Variants in PDIA6 observed in about 807,000 individuals in gnomAD.
The protein encoded by PDIA6 is protein disulfide-isomerase A6.
A neutral mutation model predicts 58.4 loss-of-function variants in PDIA6; 29 were observed. That is an observed-to-expected ratio of 0.50 (90% confidence interval 0.37 to 0.68). The LOEUF (loss-of-function observed/expected upper bound fraction) is 0.68. Among genes scored for constraint, PDIA6 ranks in the 30% least tolerant of loss-of-function variants. The probability of loss-of-function intolerance (pLI) is 0.00; values close to 1 mark genes in which losing one functional copy is unlikely to be tolerated. For synonymous variants in PDIA6, 192 were observed against 202.6 expected, an observed-to-expected ratio of 0.95 and a Z score of 0.44; for missense variants, 480 against 551.0, an observed-to-expected ratio of 0.87 and a Z score of 1.29.
intron 8 of PDIA6, 46 bp downstream of exon 8, chr2:10,789,703 T>C (rs1665944076): frequency 1.3e-6 from 2 of 1,574,414 alleles, no homozygotes; most frequent in Middle Eastern, 1.7e-4. Context: ...TTCCTCACCA[T>C]CAGCTAAAAA....
intron 5 of PDIA6, 131 bp from the exon 6 acceptor site, chr2:10,792,056 C>T (rs778752247): frequency 1.4e-4 from 132 of 970,820 alleles, no homozygotes; most frequent in Non-Finnish European, 1.9e-4. Context: ...ATAGTGAAAA[C>T]GGTTGTATTC....
chr2:10,836,613 G>A (rs186913663), upstream of PDIA6, among the ~76,000 whole-genome samples: 11 of 150,850 alleles, frequency 7.3e-5, no homozygotes, highest in Non-Finnish European at 1.3e-4. Context: ...GTCCAATTTG[G>A]TTGTTTTTAG....
intron 2 of PDIA6, among the ~76,000 whole-genome samples, chr2:10,800,028 C>A (rs560455049): frequency 6.6e-6 from 1 of 151,932 alleles, no homozygotes; most frequent in Non-Finnish European, 1.5e-5. Context: ...AATCTGTAAT[C>A]GAAATTTAGA....
intron 10 of PDIA6, among the ~76,000 whole-genome samples, chr2:10,788,005 G>A (rs1558438565): frequency 6.7e-6 from 1 of 148,966 alleles, no homozygotes; most frequent in Non-Finnish European, 1.5e-5. Context: ...GGCGGAGGTT[G>A]CAGTAAGCCG....
rs1558456790 is a variant in PDIA6 at position 10,812,713 on chromosome 2, C to CG, written c.-18dup. 1 of 1,514,632 alleles carries CG rather than the reference C, an allele frequency of 6.6e-7. No homozygotes were observed. Among genetic ancestry groups the CG allele is most frequent in the Non-Finnish European group, 8.8e-7 (1 of 1,134,200 alleles). The allele number at this position is 1,514,632 out of a possible 1,614,324, so 93.8% of individuals were successfully genotyped here. ...GAGAGCCATGCCGAGCGCCGGGCTACGTGCAGTCCCCACCGCCGCCGCCGC... is the reference window on the plus strand; with the variant it reads ...GAGAGCCATGCCGAGCGCCGGGCTACGGTGCAGTCCCCACCGCCGCCGCCGC... On this transcript the variant is annotated 5_prime_UTR_variant, in exon 1 of 13. Transcript: ENST00000272227.
intron 1 of PDIA6, among the ~76,000 whole-genome samples, chr2:10,825,260 CTCTCTG>C (rs139398962): frequency 1.1e-4 from 4 of 36,310 alleles, no homozygotes; most frequent in East Asian, 2.6e-3. Context: ...CTCTCTGTCT[CTCTCTG>C]TCTCTCTCTC....
chr2:10,792,799 T>C (rs1411203983), intron 5 of PDIA6, among the ~76,000 whole-genome samples: 1 of 152,086 alleles, frequency 6.6e-6, no homozygotes, highest in Non-Finnish European at 1.5e-5. Flanking sequence ...CCATCCCCAC[T>C]CTGGACCTAC....
chr2:10,809,662 A>AAC (rs1363462560), intron 1 of PDIA6, among the ~76,000 whole-genome samples: 3 of 150,464 alleles, frequency 2.0e-5, no homozygotes, highest in African/African-American at 7.3e-5. Flanking sequence ...AAAAAAAAAA[A>AAC]AAAAAAAAAA....
intron 2 of PDIA6, 82 bp downstream of exon 2, chr2:10,802,417 A>T: frequency 1.1e-6 from 1 of 887,880 alleles, no homozygotes; most frequent in Non-Finnish European, 1.6e-6. Flanking sequence ...TAGATGTCTT[A>T]ATAAAATCAG....
intron 1 of PDIA6, among the ~76,000 whole-genome samples, chr2:10,811,833 C>T (rs1472004729): frequency 6.6e-6 from 1 of 152,214 alleles, no homozygotes; most frequent in African/African-American, 2.4e-5. Context: ...AGCGCCCCTG[C>T]GTCTTAAGCC....
chr2:10,820,978 T>A, intron 1 of PDIA6: 1 of 648,936 alleles, frequency 1.5e-6, no homozygotes, highest in Non-Finnish European at 2.8e-6. Context: ...CTGACCCTGG[T>A]TAAGCAGGTC....
intron 11 of PDIA6, among the ~76,000 whole-genome samples, chr2:10,785,592 A>G (rs1278930083): frequency 1.3e-5 from 2 of 152,252 alleles, no homozygotes; most frequent in Admixed American, 6.5e-5. Flanking sequence ...GAGCTAGACT[A>G]ACAATCTATG....
chr2:10,807,269 T>G (rs1392142335), intron 1 of PDIA6, among the ~76,000 whole-genome samples: 4 of 152,178 alleles, frequency 2.6e-5, no homozygotes, highest in Non-Finnish European at 5.9e-5. Flanking sequence ...AGTGCAATGG[T>G]GCAAACACAG....
intron 2 of PDIA6, among the ~76,000 whole-genome samples, chr2:10,801,139 C>A (rs1734356): frequency 6.6e-6 from 1 of 150,718 alleles, no homozygotes; most frequent in Non-Finnish European, 1.5e-5. Flanking sequence ...ATTAGCAGGG[C>A]GTGGTGGTAC....
At chr2:10,791,688 A>C in intron 6 of PDIA6, 107 bp downstream of exon 6, 29 of 991,624 alleles carry the variant, frequency 2.9e-5, no homozygotes, top group Non-Finnish European at 4.0e-5. Context: ...TTTTGCTGGA[A>C]GAGATCTTAG....
rs1274640287 is a variant in PDIA6, at chr2:10,821,256, C to T, written c.-47-1902G>A. On this transcript the variant is annotated intron_variant, in intron 1 of 13. Coordinates refer to the PDIA6 transcript ENST00000381611. ...CTCGTCTGTTGCTTCCAGTCTCTAC[C>T]GTTGCACAGTAAGCCAGTGGAGGGC... The T allele has an allele frequency of 2.2e-5, 4 of 178,380 alleles. No homozygotes were observed. In the East Asian group the frequency reaches 4.8e-4, roughly 21 times the overall value. The allele number at this position is 178,380 out of a possible 1,614,324, so 11.0% of individuals were successfully genotyped here. A position where few individuals can be genotyped will look rare whatever the true frequency, so the allele number is the denominator to read the frequency against.
At chr2:10,834,732 C>CTCCCT (rs1217424185), upstream of PDIA6, among the ~76,000 whole-genome samples, 180 of 36,418 alleles carry the variant, frequency 4.9e-3, 10 homozygotes, top group Non-Finnish European at 4.8e-3. Flanking sequence ...CCTTCCTTCC[C>CTCCCT]TCCTTCCTTC....
At chr2:10,796,115 A>G (rs922811741) in intron 4 of PDIA6, among the ~76,000 whole-genome samples, 8 of 145,760 alleles carry the variant, frequency 5.5e-5, no homozygotes, top group Non-Finnish European at 3.0e-5. Flanking sequence ...AGGCTGGAGT[A>G]CAATCTCGGC....
In PDIA6 at chr2:10,784,998, G is replaced by A. The variant is rs11545888; in HGVS notation, c.1190C>T (p.Pro397Leu). ...GGTAGGGAAAGCCCCGCCTCCTACA[G>A]GTGCCGTGGAGCCACGCCCAAAAGA... ...ELSFGRGSTAPVGGGAFPTIV... is the reference protein window; with the variant it reads ...ELSFGRGSTALVGGGAFPTIV... The change falls in exon 12 of 13, where the codon CCT (proline) becomes CTT (leucine). Residue 397 changes from proline (P) to leucine (L), a missense_variant. Pro to Leu is a moderately conservative substitution (Grantham distance 98, BLOSUM62 -3). Transcript: ENST00000272227. The A allele has an allele frequency of 1.3e-6, 2 of 1,586,182 alleles. No individual in the cohort carries two copies. The highest frequency in any genetic ancestry group is 1.8e-5 in the Admixed American group (1 of 56,804).
Sources: allele counts gnomAD v4.1 joint callset (sites outside exome capture counted in the v4.1 genomes callset), GRCh38; gene constraint gnomAD v4.1.1; transcripts MANE v1.5; gene names NCBI Gene and HGNC (gene_info 2026-07-23, HGNC 2026-07-21).